Variants in IPCEF1 observed in about 807,000 individuals in gnomAD.
IPCEF1 encodes the protein interactor protein for cytohesin exchange factors 1.
IPCEF1 carries 31 observed loss-of-function variants against 50.9 expected under a neutral mutation model. The observed-to-expected ratio is 0.61, with a 90% CI of 0.46 to 0.82. The LOEUF (loss-of-function observed/expected upper bound fraction) is 0.82. IPCEF1 is among the 40% of genes least tolerant of loss of function. The probability of loss-of-function intolerance (pLI) is 0.00; values close to 1 mark genes in which losing one functional copy is unlikely to be tolerated. For synonymous variants in IPCEF1, 181 were observed against 192.0 expected (o/e 0.94, Z 0.47); for missense variants, 458 against 514.0 (o/e 0.89, Z 1.05).
intron 2 of IPCEF1, among the ~76,000 whole-genome samples, chr6:154,276,297 A>G (rs1355622915): frequency 7.1e-6 from 1 of 141,166 alleles, no homozygotes; most frequent in Admixed American, 7.4e-5. Flanking sequence ...AAAAAAGAAA[A>G]GAAAAGAGGA....
intron 10 of IPCEF1, among the ~76,000 whole-genome samples, chr6:154,180,823 G>A (rs1800809044): frequency 6.6e-6 from 1 of 152,060 alleles, no homozygotes; most frequent in South Asian, 2.1e-4. Flanking sequence ...TTTCAGATTA[G>A]GAATGTCTAA....
intron 1 of IPCEF1, among the ~76,000 whole-genome samples, chr6:154,323,014 G>T (rs909563403): frequency 3.3e-5 from 5 of 152,080 alleles, no homozygotes; most frequent in Non-Finnish European, 7.4e-5. Context: ...AATATTATTG[G>T]AGAATTTCAT....
intron 1 of IPCEF1, among the ~76,000 whole-genome samples, chr6:154,335,884 A>G (rs1389372190): frequency 6.6e-6 from 1 of 152,242 alleles, no homozygotes; most frequent in East Asian, 1.9e-4. Context: ...CAATAGATAT[A>G]TTAAAAAACA....
intron 2 of IPCEF1, among the ~76,000 whole-genome samples, chr6:154,283,318 C>T (rs1227915004): frequency 7.3e-6 from 1 of 137,906 alleles, no homozygotes; most frequent in African/African-American, 2.7e-5. Context: ...AAAAGAGGGC[C>T]GGGCACAGTG....
chr6:154,279,786 C>G (rs1486091401), intron 2 of IPCEF1, among the ~76,000 whole-genome samples: 1 of 152,152 alleles, frequency 6.6e-6, no homozygotes, highest in Non-Finnish European at 1.5e-5. Context: ...GCCATGCATC[C>G]AGAATCTATA....
intron 5 of IPCEF1, among the ~76,000 whole-genome samples, chr6:154,227,225 T>TA (rs991575187): frequency 3.3e-5 from 5 of 151,140 alleles, no homozygotes; most frequent in African/African-American, 1.2e-4. Flanking sequence ...ACAAAAAAAT[T>TA]AAAAAATAAA....
At chr6:154,209,346 T>A (rs1337811405) in intron 9 of IPCEF1, among the ~76,000 whole-genome samples, 1 of 152,162 alleles carries the variant, frequency 6.6e-6, no homozygotes, top group African/African-American at 2.4e-5. Context: ...ACTAGCTCAA[T>A]TCACTCTCTG....
chr6:154,244,729 T>TC (rs1364668581), intron 5 of IPCEF1, among the ~76,000 whole-genome samples: 2 of 152,192 alleles, frequency 1.3e-5, no homozygotes, highest in East Asian at 3.8e-4. Flanking sequence ...CCTGTGTGGT[T>TC]CAGAAGGACT....
At chr6:154,330,070 A>T (rs1783621369) in intron 1 of IPCEF1, 1 of 152,262 alleles carries the variant, frequency 6.6e-6, no homozygotes, top group Non-Finnish European at 1.5e-5. Flanking sequence ...AGAAAGTGAG[A>T]AGACTACATG....
At chr6:154,227,520 A>T (rs571442581) in intron 5 of IPCEF1, among the ~76,000 whole-genome samples, 7 of 152,006 alleles carry the variant, frequency 4.6e-5, no homozygotes, top group Non-Finnish European at 1.0e-4. Context: ...AGAGTTCAAG[A>T]CCAGCCTGGG....
chr6:154,192,362 G>GTGTGTGTATGCA (rs1801978835), intron 10 of IPCEF1, among the ~76,000 whole-genome samples: 2 of 150,468 alleles, frequency 1.3e-5, no homozygotes. Context: ...GTATGCATGT[G>GTGTGTGTATGCA]TGTGTATTTA....
intron 1 of IPCEF1, among the ~76,000 whole-genome samples, chr6:154,318,790 AT>A (rs1362415793): frequency 6.6e-6 from 1 of 151,798 alleles, no homozygotes; most frequent in Non-Finnish European, 1.5e-5. Flanking sequence ...GTCAATAATT[AT>A]TTTTTCCCTC....
chr6:154,244,416 T>G (rs953598341), intron 5 of IPCEF1, among the ~76,000 whole-genome samples: 1 of 151,992 alleles, frequency 6.6e-6, no homozygotes, highest in African/African-American at 2.4e-5. Context: ...TTTAATCCTA[T>G]AGTTCCCTAG....
intron 1 of IPCEF1, among the ~76,000 whole-genome samples, chr6:154,340,534 G>A (rs1000317489): frequency 6.6e-6 from 1 of 151,964 alleles, no homozygotes; most frequent in Non-Finnish European, 1.5e-5. Context: ...TTACAGGCAT[G>A]AGCCACTGCG....
At chr6:154,353,495 C>T (rs1249338536) in intron 1 of IPCEF1, among the ~76,000 whole-genome samples, 1 of 152,142 alleles carries the variant, frequency 6.6e-6, no homozygotes, top group African/African-American at 2.4e-5. Context: ...CCATGTTGGC[C>T]AGAGTGGTTT....
chr6:154,259,901 G>A (rs1781553535), intron 3 of IPCEF1, among the ~76,000 whole-genome samples: 2 of 152,126 alleles, frequency 1.3e-5, no homozygotes, highest in Non-Finnish European at 2.9e-5. Flanking sequence ...ATAGGGTTAT[G>A]TTGATGTAGC....
chr6:154,343,591 C>T (rs1007294822), intron 1 of IPCEF1, among the ~76,000 whole-genome samples: 1 of 152,236 alleles, frequency 6.6e-6, no homozygotes, highest in Non-Finnish European at 1.5e-5. Flanking sequence ...CTCAACCTAT[C>T]AACCAGCCTT....
intron 5 of IPCEF1, among the ~76,000 whole-genome samples, chr6:154,242,558 A>G (rs1780680528): frequency 6.6e-6 from 1 of 152,182 alleles, no homozygotes; most frequent in Non-Finnish European, 1.5e-5. Flanking sequence ...AAGTCTGACA[A>G]GCAAGTACTC....
At chr6:154,234,725 G>A (rs1418766279) in intron 5 of IPCEF1, among the ~76,000 whole-genome samples, 1 of 152,200 alleles carries the variant, frequency 6.6e-6, no homozygotes, top group Non-Finnish European at 1.5e-5. Context: ...AAGAGGGAAA[G>A]GGCTCTGAAG....
Sources: gnomAD v4.1 joint callset for allele counts (sites outside exome capture counted in the v4.1 genomes callset) on GRCh38, gnomAD v4.1.1 for gene constraint, MANE v1.5 for transcripts, NCBI Gene and HGNC (gene_info 2026-07-23, HGNC 2026-07-21) for gene names.